UBE2E2: variants seen among roughly 807,000 people sequenced by gnomAD.
The protein encoded by UBE2E2 is ubiquitin conjugating enzyme E2 E2.
UBE2E2 carries 6 observed loss-of-function variants against 24.7 expected under a neutral mutation model. That is an observed-to-expected ratio of 0.24 (90% CI 0.13 to 0.48). UBE2E2 has a LOEUF of 0.48. Ranked by LOEUF, UBE2E2 falls within the 20% of genes least tolerant of loss-of-function variation. The probability of loss-of-function intolerance (pLI) is 0.99; values close to 1 mark genes in which losing one functional copy is unlikely to be tolerated. For synonymous variants in UBE2E2, 104 were observed against 83.6 expected (o/e 1.24, Z -1.33); for missense variants, 169 against 245.0 (o/e 0.69, Z 2.07).
chr3:23,404,229 TAATA>T (rs990553717), intron 3 of UBE2E2, among the ~76,000 whole-genome samples: 6 of 152,226 alleles, frequency 3.9e-5, no homozygotes, highest in African/African-American at 1.4e-4. Flanking sequence ...GAATATCATA[TAATA>T]AATAGCTATA....
intron 4 of UBE2E2, among the ~76,000 whole-genome samples, chr3:23,501,874 C>T (rs1699727609): frequency 1.3e-5 from 2 of 151,908 alleles, no homozygotes; most frequent in South Asian, 4.1e-4. Flanking sequence ...AATGGAATCC[C>T]TCCACATAAT....
At chr3:23,240,055 A>C (rs1382349188) in intron 3 of UBE2E2, among the ~76,000 whole-genome samples, 2 of 152,138 alleles carry the variant, frequency 1.3e-5, no homozygotes, top group African/African-American at 4.8e-5. Context: ...AGCCTGGTTA[A>C]AGTTTGGAAC....
rs915056299 is a variant in UBE2E2 at position 23,261,700 on chromosome 3, G to A, written c.227+44388G>A. On this transcript the variant is annotated intron_variant, in intron 3 of 5. Coordinates refer to ENST00000396703, the MANE Select transcript of UBE2E2 (RefSeq NM_152653.4). ...AGTTCAACTGTTTTAGATTTCATTC[G>A]TAAGTGAAATCATACAGCATTTGTT... 2.6e-5 allele frequency among the ~76,000 whole-genome samples: 4 copies of A among 151,710 alleles called. 1 individual carries two copies. Among genetic ancestry groups the A allele is most frequent in the Admixed American group, 2.6e-4 (4 of 15,220 alleles).
At chr3:23,553,593 T>G (rs1342509861) in intron 5 of UBE2E2, among the ~76,000 whole-genome samples, 1 of 152,186 alleles carries the variant, frequency 6.6e-6, no homozygotes, top group Non-Finnish European at 1.5e-5. Flanking sequence ...CTGTTCCCTT[T>G]ATAGTCATTT....
rs1420695709 is a variant in UBE2E2 at position 23,589,411 on chromosome 3, A to G, written c.509-323A>G. On this transcript the variant is annotated intron_variant, in intron 5 of 5. Coordinates refer to ENST00000396703, the MANE Select transcript of UBE2E2 (RefSeq NM_152653.4). The surrounding 1 kb of genome is among the most constrained non-coding windows in gnomAD (Gnocchi z 4.1). ...GCACTCTAGCCTGAGTGACAGAGCA[A>G]CACCCTGTCTCAAAAGAAAAAAAAA... Among the ~76,000 whole-genome samples, 1 of 147,852 alleles carries G rather than the reference A, an allele frequency of 6.8e-6. No homozygotes were observed. Among genetic ancestry groups the G allele is most frequent in the Non-Finnish European group, 1.5e-5 (1 of 67,286 alleles).
At chr3:23,278,969 A>T (rs1368370743) in intron 3 of UBE2E2, among the ~76,000 whole-genome samples, 4 of 152,140 alleles carry the variant, frequency 2.6e-5, no homozygotes, top group Non-Finnish European at 5.9e-5. Context: ...GATAATTTTA[A>T]AAGGATACTA....
intron 5 of UBE2E2, among the ~76,000 whole-genome samples, chr3:23,544,298 A>T (rs1195650708): frequency 6.6e-6 from 1 of 152,234 alleles, no homozygotes; most frequent in Non-Finnish European, 1.5e-5. Context: ...AAATATTTGC[A>T]TACTATGCAT....
chr3:23,328,462 A>G (rs892539098), intron 3 of UBE2E2, among the ~76,000 whole-genome samples: 50 of 152,328 alleles, frequency 3.3e-4, no homozygotes, highest in African/African-American at 1.2e-3. Flanking sequence ...ATTTTGCCCA[A>G]CTGTAGGCTA....
At chr3:23,246,879 CT>C (rs1466548571) in intron 3 of UBE2E2, among the ~76,000 whole-genome samples, 3 of 152,070 alleles carry the variant, frequency 2.0e-5, no homozygotes, top group African/African-American at 7.2e-5. Flanking sequence ...ACAATGTAGA[CT>C]TTCTGGACTT....
chr3:23,527,741 G>T lies in UBE2E2; in HGVS notation c.361-4813G>T, dbSNP rs139262267. On this transcript the variant is annotated intron_variant, in intron 4 of 5. Transcript: ENST00000396703. ...CCTCCATAAAACCCCTAAAAGCAAGGTTCAGAGAGGTTCTGGGTTGCTGAA... is the reference window on the plus strand; with the variant it reads ...CCTCCATAAAACCCCTAAAAGCAAGTTTCAGAGAGGTTCTGGGTTGCTGAA... Among the ~76,000 whole-genome samples the T allele has an allele frequency of 8.4e-3, 1,284 of 152,100 alleles. 19 individuals carry two copies. Among genetic ancestry groups the T allele is most frequent in the African/African-American group, 0.03 (1,229 of 41,498 alleles).
intron 3 of UBE2E2, among the ~76,000 whole-genome samples, chr3:23,289,755 A>G (rs953908212): frequency 1.3e-4 from 20 of 152,314 alleles, no homozygotes; most frequent in African/African-American, 4.6e-4. Context: ...TACTTAGTTG[A>G]ACTTAAGTTA....
chr3:23,555,535 AC>A (rs1313014001), intron 5 of UBE2E2, among the ~76,000 whole-genome samples: 1 of 152,198 alleles, frequency 6.6e-6, no homozygotes, highest in Admixed American at 6.5e-5. Flanking sequence ...GAAATGAAAT[AC>A]CACCTCATAT....
chr3:23,352,746 C>T (rs1000241544), intron 3 of UBE2E2, among the ~76,000 whole-genome samples: 1 of 152,118 alleles, frequency 6.6e-6, no homozygotes, highest in East Asian at 1.9e-4. Context: ...TAATCAATAG[C>T]TTACCAACCA....
intron 3 of UBE2E2, among the ~76,000 whole-genome samples, chr3:23,416,074 T>G (rs879423502): frequency 2.6e-5 from 4 of 152,236 alleles, no homozygotes; most frequent in Non-Finnish European, 5.9e-5. Flanking sequence ...GGACGTGAAC[T>G]CATCCTTTTT....
At chr3:23,342,163 T>TG (rs1456079200) in intron 3 of UBE2E2, among the ~76,000 whole-genome samples, 3 of 151,562 alleles carry the variant, frequency 2.0e-5, no homozygotes, top group South Asian at 4.2e-4. Context: ...TTAAGCATTA[T>TG]GGGGGGTACT....
At chr3:23,360,947 A>G (rs1046283317) in intron 3 of UBE2E2, among the ~76,000 whole-genome samples, 1 of 152,178 alleles carries the variant, frequency 6.6e-6, no homozygotes, top group Non-Finnish European at 1.5e-5. Flanking sequence ...ATAAAGGACT[A>G]AAATCCAGAA....
At chr3:23,207,653 G>A (rs546926970) in intron 1 of UBE2E2, among the ~76,000 whole-genome samples, 175 of 152,264 alleles carry the variant, frequency 1.1e-3, no homozygotes, top group African/African-American at 4.0e-3. Flanking sequence ...GGATTTGAAA[G>A]TGTCGTCCCA....
In UBE2E2 at chr3:23,572,723, T is replaced by C. The variant is rs186022136; in HGVS notation, c.509-17011T>C. Among the ~76,000 whole-genome samples the C allele has an allele frequency of 2.3e-3, 351 of 152,356 alleles. 1 individual carries two copies. The highest frequency in any genetic ancestry group is 4.0e-3 in the Non-Finnish European group (270 of 68,026). On this transcript the variant is annotated intron_variant, in intron 5 of 5. Transcript: ENST00000396703. ...CTGCAAAGGATATGATTTTGCTCCT[T>C]TTGATTGCTGCATGCTATCCCATGC...
Position 23,208,851 on chromosome 3 carries a change from C to G in UBE2E2, c.152C>G (p.Ala51Gly). 1 of 1,612,876 alleles carries G rather than the reference C, an allele frequency of 6.2e-7. No homozygotes were observed. Among genetic ancestry groups the G allele is most frequent in the African/African-American group, 1.3e-5 (1 of 74,996 alleles). ...GGAAAAATATCCAGCAAAACCGCTG[C>G]TAAATTGTCAACTAGTGCTAAAAGG... is the stretch of plus-strand genomic sequence containing the variant. ...KEGKISSKTAAKLSTSAKRIQ... is the reference protein window; with the variant it reads ...KEGKISSKTAGKLSTSAKRIQ... Residue 51 changes from alanine to glycine, a missense_variant, in exon 2 of 6, where the codon GCT becomes GGT. This residue lies in a region of UBE2E2 where 64 missense variants were observed against 64.3 expected (regional missense o/e 1.00). Coordinates refer to ENST00000396703, the MANE Select transcript of UBE2E2 (RefSeq NM_152653.4).
Sources: allele counts gnomAD v4.1 joint callset (sites outside exome capture counted in the v4.1 genomes callset), GRCh38; gene constraint gnomAD v4.1.1; regional missense constraint gnomAD v4.1.1; non-coding constraint Gnocchi (gnomAD v3.1); transcripts MANE v1.5; gene names NCBI Gene and HGNC (gene_info 2026-07-23, HGNC 2026-07-21).